The following LYZL4 variants were observed in gnomAD, a reference collection of about 807,000 sequenced individuals.
The protein encoded by LYZL4 is lysozyme like 4.
A neutral mutation model predicts 17.6 loss-of-function variants in LYZL4; 13 were observed. The ratio of observed to expected loss-of-function variants is 0.74; its 90% CI spans 0.48 to 1.18. LYZL4 has a LOEUF of 1.18. Among genes scored for constraint, LYZL4 ranks in the 50% most tolerant of loss-of-function variants. The pLI, the probability that LYZL4 is intolerant of heterozygous loss-of-function variation, is 0.00. For missense variants in LYZL4, 174 were observed against 188.2 expected (o/e 0.92, Z 0.44); for synonymous variants, 64 against 67.7 (o/e 0.95, Z 0.27).
chr3:42,364,483 C>T, the LYZL4 span, among the ~76,000 whole-genome samples: 1 of 151,808 alleles, frequency 6.6e-6, no homozygotes, highest in Non-Finnish European at 1.5e-5. Context: ...GCTGGGATTA[C>T]AGGCACTCGC....
the LYZL4 span, among the ~76,000 whole-genome samples, chr3:42,391,808 T>C: frequency 2.6e-5 from 4 of 152,032 alleles, no homozygotes; most frequent in Admixed American, 2.6e-4. Context: ...TATTACAATA[T>C]GTTTTTTTGA....
At chr3:42,386,265 G>A in the LYZL4 span, among the ~76,000 whole-genome samples, 1 of 151,938 alleles carries the variant, frequency 6.6e-6, no homozygotes, top group Non-Finnish European at 1.5e-5. Context: ...ACCACGCCTG[G>A]CTAATTTTTG....
chr3:42,362,812 C>T, the LYZL4 span, among the ~76,000 whole-genome samples: 1 of 152,210 alleles, frequency 6.6e-6, no homozygotes, highest in Non-Finnish European at 1.5e-5. Flanking sequence ...GCCAAAGTAT[C>T]ACCCCATAGA....
chr3:42,376,947 T>C, the LYZL4 span, among the ~76,000 whole-genome samples: 2 of 152,242 alleles, frequency 1.3e-5, no homozygotes, highest in Non-Finnish European at 2.9e-5. Flanking sequence ...CAATGGCATA[T>C]TAAATCATTC....
rs76603789 is a variant in LYZL4, at chr3:42,400,692, G to A, written c.371+3354C>T. Among the ~76,000 whole-genome samples, 1,080 of 152,154 alleles carry A rather than the reference G, an allele frequency of 7.1e-3. 10 individuals carry two copies. Among genetic ancestry groups the A allele is most frequent in the African/African-American group, 0.024 (979 of 41,506 alleles). On this transcript the variant is annotated intron_variant, in intron 4 of 4. Transcript: ENST00000287748. ...AGATCTGAAAAATTGTGCCATCTGG[G>A]ACTTAGGAAATATGACACTCTTTCT...
the LYZL4 span, among the ~76,000 whole-genome samples, chr3:42,377,222 T>C: frequency 6.6e-6 from 1 of 152,296 alleles, no homozygotes; most frequent in Non-Finnish European, 1.5e-5. Flanking sequence ...GTGTTGAGCA[T>C]AATTTGTCCA....
Position 42,405,623 on chromosome 3 carries a change from C to T in LYZL4, c.292+1223G>A, listed in dbSNP as rs192757735. ...CTCTGGAATGGTTCTCACCCATCAG[C>T]GTGGAAAGAGGTTTGCTCATTAGGG... On this transcript the variant is annotated intron_variant, in intron 3 of 4. Coordinates refer to ENST00000287748, the MANE Select transcript of LYZL4 (RefSeq NM_144634.4). Among the ~76,000 whole-genome samples the T allele has an allele frequency of 3.7e-3, 562 of 152,212 alleles. 2 individuals carry two copies. Among genetic ancestry groups the T allele is most frequent in the Non-Finnish European group, 6.0e-3 (410 of 68,004 alleles).
chr3:42,364,005 A>C, the LYZL4 span, among the ~76,000 whole-genome samples: 1 of 152,186 alleles, frequency 6.6e-6, no homozygotes, highest in Non-Finnish European at 1.5e-5. Flanking sequence ...AGCCACAGCT[A>C]ATCTGAGTCT....
At chr3:42,381,688 A>C in the LYZL4 span, among the ~76,000 whole-genome samples, 1 of 152,256 alleles carries the variant, frequency 6.6e-6, no homozygotes, top group Non-Finnish European at 1.5e-5. Context: ...CTCATGGGAA[A>C]GGGTAAGCAA....
chr3:42,389,985 G>A, the LYZL4 span, among the ~76,000 whole-genome samples: 2 of 152,114 alleles, frequency 1.3e-5, no homozygotes, highest in African/African-American at 4.8e-5. Flanking sequence ...CACATTATAC[G>A]GAACATAATG....
the LYZL4 span, among the ~76,000 whole-genome samples, chr3:42,387,344 C>G: frequency 1.3e-5 from 2 of 152,200 alleles, no homozygotes; most frequent in Non-Finnish European, 2.9e-5. Context: ...TGTGAACCAC[C>G]TAGCGTGGGC....
intron 3 of LYZL4, among the ~76,000 whole-genome samples, chr3:42,405,139 C>T (rs1301203580): frequency 1.3e-5 from 2 of 152,134 alleles, no homozygotes; most frequent in African/African-American, 2.4e-5. Context: ...AGCTCCGCCT[C>T]CCAGGTTCAC....
the LYZL4 span, among the ~76,000 whole-genome samples, chr3:42,365,196 G>A: frequency 6.6e-6 from 1 of 152,102 alleles, no homozygotes; most frequent in Non-Finnish European, 1.5e-5. Flanking sequence ...ATTTGAATAT[G>A]GTTTGAGTAT....
At chr3:42,404,451 T>G (rs1213287108) in intron 3 of LYZL4, among the ~76,000 whole-genome samples, 3 of 152,236 alleles carry the variant, frequency 2.0e-5, no homozygotes, top group African/African-American at 7.2e-5. Context: ...TGTTCCCCTT[T>G]TAGCCTCTAG....
At chr3:42,392,921 T>C (rs1287400601), downstream of LYZL4, among the ~76,000 whole-genome samples, 1 of 152,074 alleles carries the variant, frequency 6.6e-6, no homozygotes, top group Non-Finnish European at 1.5e-5. Flanking sequence ...ACAAGATCTT[T>C]CCAGGTGATG....
At chr3:42,396,696 C>A (rs1559453080), downstream of LYZL4, among the ~76,000 whole-genome samples, 1 of 152,172 alleles carries the variant, frequency 6.6e-6, no homozygotes, top group Non-Finnish European at 1.5e-5. Context: ...CTGTATTTTC[C>A]CAAATTTCTC....
the LYZL4 span, among the ~76,000 whole-genome samples, chr3:42,366,777 C>T: frequency 1.3e-5 from 2 of 152,222 alleles, no homozygotes; most frequent in Non-Finnish European, 2.9e-5. Flanking sequence ...CCAGGCCCTG[C>T]TTTAAGGCCC....
At chr3:42,378,112 C>T in the LYZL4 span, among the ~76,000 whole-genome samples, 1 of 152,196 alleles carries the variant, frequency 6.6e-6, no homozygotes, top group Non-Finnish European at 1.5e-5. Context: ...GGGAGCAGAA[C>T]TTGTGAGCCA....
At chr3:42,396,888 T>C (rs996782235), downstream of LYZL4, among the ~76,000 whole-genome samples, 2 of 152,250 alleles carry the variant, frequency 1.3e-5, no homozygotes, top group African/African-American at 4.8e-5. Context: ...TCCTCTCTTC[T>C]TTCCTCTTTG....
Sources: allele counts gnomAD v4.1 joint callset (sites outside exome capture counted in the v4.1 genomes callset), GRCh38; gene constraint gnomAD v4.1.1; transcripts MANE v1.5; gene names NCBI Gene and HGNC (gene_info 2026-07-23, HGNC 2026-07-21).